The following SMG1 variants were observed in gnomAD, a reference collection of about 807,000 sequenced individuals.
SMG1 encodes the protein serine/threonine-protein kinase SMG1.
A neutral mutation model predicts 419.9 loss-of-function variants in SMG1; 22 were observed. The ratio of observed to expected loss-of-function variants is 0.05; its 90% CI spans 0.04 to 0.07. The LOEUF is 0.07. Among genes scored for constraint, SMG1 ranks in the 10% least tolerant of loss-of-function variants. The pLI, the probability that SMG1 is intolerant of heterozygous loss-of-function variation, is 1.00. For synonymous variants in SMG1, 1,538 were observed against 1,553.5 expected, an observed-to-expected ratio of 0.99 and a Z score of 0.23; for missense variants, 3,185 against 4,342.0, an observed-to-expected ratio of 0.73 and a Z score of 7.49.
intron 29 of SMG1, chr16:18,857,622 G>T (rs1236207287): frequency 3.3e-5 from 5 of 152,122 alleles, no homozygotes; most frequent in African/African-American, 1.2e-4. Flanking sequence ...ACCCAACAAG[G>T]TGCATTCACT....
chr16:18,886,955 T>C (rs2036637059), intron 6 of SMG1, among the ~76,000 whole-genome samples: 1 of 152,234 alleles, frequency 6.6e-6, no homozygotes. Context: ...AAAATTCATT[T>C]ACTTAGGTAT....
intron 42 of SMG1, 146 bp downstream of exon 42, chr16:18,839,552 T>C (rs778302474): frequency 1.8e-4 from 179 of 1,016,750 alleles, no homozygotes; most frequent in Admixed American, 4.4e-4. Flanking sequence ...CCTTTATAAC[T>C]GTAATATTAA....
chr16:18,884,210 A>G (rs773013138), intron 8 of SMG1, 43 bp from the exon 9 acceptor site: 5 of 984,836 alleles, frequency 5.1e-6, no homozygotes, highest in South Asian at 1.5e-5. Context: ...GGGGGGAAAA[A>G]AACACCAAAA....
intron 1 of SMG1, among the ~76,000 whole-genome samples, chr16:18,905,003 T>G (rs2037503226): frequency 6.6e-6 from 1 of 152,118 alleles, no homozygotes; most frequent in Non-Finnish European, 1.5e-5. Context: ...GGCTTACGCC[T>G]GTAATCCCAG....
chr16:18,900,458 G>C (rs1421676603), intron 1 of SMG1, among the ~76,000 whole-genome samples: 5 of 152,082 alleles, frequency 3.3e-5, no homozygotes, highest in African/African-American at 2.4e-5. Flanking sequence ...ATGTAGCCTT[G>C]CAGTCCATTC....
At position 18,836,109 on chromosome 16, in the gene SMG1, C is replaced by A; in HGVS notation, c.7881G>T (p.Leu2627=). 3 of 1,609,402 alleles carry A rather than the reference C, an allele frequency of 1.9e-6. No homozygotes were observed. The highest frequency in any genetic ancestry group is 2.5e-6 in the Non-Finnish European group (3 of 1,177,870). Residue 2627 remains leucine (L), a synonymous_variant, in exon 48 of 63, where the codon CTG becomes CTT. Coordinates refer to ENST00000446231, the MANE Select transcript of SMG1 (RefSeq NM_015092.5). The stretch of plus-strand genomic sequence containing the variant: ...CACGGAGCACGGAGCGCCTCTGCTG[C>A]AGGAGAGCACCAACCTCCCCCTCCA... ...EQLEGEVGAL[L]QQRRSVLRGC...
At chr16:18,925,262 C>G (rs187274443) in intron 1 of SMG1, 1 of 152,282 alleles carries the variant, frequency 6.6e-6, no homozygotes, top group African/African-American at 2.4e-5. Context: ...TGAGGAAATT[C>G]TCTAGACTTC....
intron 4 of SMG1, 71 bp from the exon 5 acceptor site, chr16:18,890,992 T>C (rs2036852204): frequency 2.5e-6 from 2 of 812,858 alleles, no homozygotes; most frequent in Middle Eastern, 3.6e-4. Flanking sequence ...TGTACTTTTT[T>C]ACTTGTCTTC....
At chr16:18,893,824 G>A (rs764298576) in intron 3 of SMG1, among the ~76,000 whole-genome samples, 12 of 152,202 alleles carry the variant, frequency 7.9e-5, no homozygotes, top group East Asian at 1.9e-4. Context: ...TTGGGAGGCC[G>A]AGGAAGGCAG....
Position 18,882,312 on chromosome 16 carries a change from T to A in SMG1, c.1146A>T (p.Glu382Asp). ...GAGGAGGGACATCTTCATCCACTGA[T>A]TCCCCAGAGGCCACATGGCTGAGGT... is the stretch of plus-strand genomic sequence containing the variant. ...AEDLSHVASGESVDEDVPPPS... is the reference protein window; with the variant it reads ...AEDLSHVASGDSVDEDVPPPS... The change falls in exon 10 of 63, where the codon GAA (glutamate) becomes GAT (aspartate). Residue 382 changes from glutamate (E) to aspartate (D), a missense_variant. By Grantham distance (45) the Glu-to-Asp change is conservative. Coordinates refer to ENST00000446231, the MANE Select transcript of SMG1 (RefSeq NM_015092.5). The A allele has an allele frequency of 6.2e-7, 1 of 1,609,092 alleles. No homozygotes were observed. The highest frequency in any genetic ancestry group is 8.5e-7 in the Non-Finnish European group (1 of 1,178,348).
chr16:18,829,547 A>G lies in SMG1; in HGVS notation c.9342T>C (p.Gly3114=), dbSNP rs1318279000. Residue 3114 remains glycine, a synonymous_variant, in exon 54 of 63, where the codon GGT becomes GGC. Coordinates refer to ENST00000446231, the MANE Select transcript of SMG1 (RefSeq NM_015092.5). ...LTLCSFISAL[G]VDIIAQVEAK... The stretch of plus-strand genomic sequence containing the variant: ...CCTCTACTTGAGCAATGATGTCTAC[A>G]CCCAGAGCACTGATAAAACTGCACA... The G allele has an allele frequency of 2.5e-6, 4 of 1,614,034 alleles. No individual in the cohort carries two copies. Among genetic ancestry groups the G allele is most frequent in the African/African-American group, 1.3e-5 (1 of 75,064 alleles).
intron 38 of SMG1, among the ~76,000 whole-genome samples, chr16:18,846,191 G>A (rs1226382929): frequency 2.0e-5 from 3 of 152,028 alleles, no homozygotes; most frequent in African/African-American, 7.2e-5. Context: ...ATGATACAAG[G>A]AAAATGTGAT....
In SMG1 at chr16:18,829,576, T is replaced by A. The variant is rs2033017813; in HGVS notation, c.9313A>T (p.Thr3105Ser). 1 of 1,614,022 alleles carries A rather than the reference T, an allele frequency of 6.2e-7. No homozygotes were observed. The highest frequency in any genetic ancestry group is 8.5e-7 in the Non-Finnish European group (1 of 1,179,892). Reference protein sequence around the residue: ...IGLPNQALGLTLCSFISALGV... With the variant: ...IGLPNQALGLSLCSFISALGV... Reference sequence around the variant, plus strand: ...AGAGCACTGATAAAACTGCACAGTGTGAGTCCGAGGGCTTGGTTGGGTAGC... The same window carrying A: ...AGAGCACTGATAAAACTGCACAGTGAGAGTCCGAGGGCTTGGTTGGGTAGC... Residue 3105 changes from threonine to serine, a missense_variant, in exon 54 of 63, where the codon ACA becomes TCA. Physicochemically the swap from Thr to Ser is moderately conservative, Grantham distance 58 (BLOSUM62 1). Coordinates refer to ENST00000446231, the MANE Select transcript of SMG1 (RefSeq NM_015092.5).
Position 18,868,530 on chromosome 16 carries a change from G to A in SMG1, c.3023C>T (p.Pro1008Leu). Reference sequence around the variant, plus strand: ...TATCTCATGGAAACCAACCTTGGGAGGTGAAGTTAATGCATTAGCACATCC... The same window carrying A: ...TATCTCATGGAAACCAACCTTGGGAAGTGAAGTTAATGCATTAGCACATCC... ...YEGCANALTS[P>L]PKVIRTFFYT... The change falls in exon 21 of 63, where the codon CCT becomes CTT. Residue 1008 changes from proline (P) to leucine (L), a missense_variant. Pro to Leu is a moderately conservative substitution (Grantham distance 98, BLOSUM62 -3). Transcript: ENST00000446231. The A allele has an allele frequency of 1.3e-6, 2 of 1,581,798 alleles. No individual in the cohort carries two copies. Among genetic ancestry groups the A allele is most frequent in the Non-Finnish European group, 1.7e-6 (2 of 1,165,678 alleles).
intron 22 of SMG1, among the ~76,000 whole-genome samples, chr16:18,867,446 C>A (rs903988044): frequency 6.6e-6 from 1 of 151,614 alleles, no homozygotes; most frequent in African/African-American, 2.4e-5. Flanking sequence ...GAGGCTTGAA[C>A]CTGAGAGGCA....
chr16:18,858,320 A>G (rs1395996855), intron 28 of SMG1, 30 bp from the exon 29 acceptor site: 9 of 1,571,466 alleles, frequency 5.7e-6, no homozygotes, highest in African/African-American at 2.8e-5. Context: ...ATTACTCAAC[A>G]TAAAACAGGC....
chr16:18,841,923 G>C, intron 40 of SMG1, 129 bp from the exon 41 acceptor site: 1 of 815,250 alleles, frequency 1.2e-6, no homozygotes, highest in Non-Finnish European at 2.0e-6. Flanking sequence ...GAGCATTAAA[G>C]AATTCTATTT....
At chr16:18,810,530 T>G (rs958300294) in intron 62 of SMG1, among the ~76,000 whole-genome samples, 1 of 152,172 alleles carries the variant, frequency 6.6e-6, no homozygotes, top group Non-Finnish European at 1.5e-5. Context: ...CATGGGTTTA[T>G]CGGGGTATTA....
rs1327983094 is a variant in SMG1 at position 18,863,768 on chromosome 16, A to T, written c.3577T>A (p.Cys1193Ser). ...GCCCAATCGGCAATTGAGATGTAGC[A>T]CTCACATGCTTTATTTCCTAAATAA... ...INYLGNKACE[C>S]YISIADWAAV... The change falls in exon 25 of 63, where the codon TGC becomes AGC. Residue 1193 changes from cysteine (C) to serine (S), a missense_variant. Cys to Ser is a moderately radical substitution (Grantham distance 112). Around this residue, in one of 27 missense-constraint regions of SMG1, gnomAD observed 120 missense variants for 193.3 expected, o/e 0.62. Transcript: ENST00000446231. The T allele has an allele frequency of 8.9e-6, 14 of 1,574,578 alleles. No individual in the cohort carries two copies. The highest frequency in any genetic ancestry group is 6.1e-6 in the Non-Finnish European group (7 of 1,156,736).
Sources: gnomAD v4.1 joint callset for allele counts (sites outside exome capture counted in the v4.1 genomes callset) on GRCh38, gnomAD v4.1.1 for gene constraint, gnomAD v4.1.1 regional missense constraint, MANE v1.5 for transcripts, NCBI Gene and HGNC (gene_info 2026-07-23, HGNC 2026-07-21) for gene names.